Variants in CNTN2 observed in about 807,000 individuals in gnomAD.
The protein encoded by CNTN2 is contactin 2.
A neutral mutation model predicts 117.5 loss-of-function variants in CNTN2; 53 were observed. The ratio of observed to expected loss-of-function variants is 0.45; its 90% confidence interval spans 0.36 to 0.57. The LOEUF (loss-of-function observed/expected upper bound fraction) is 0.57. CNTN2 is among the 20% of genes least tolerant of loss of function. The pLI, the probability that CNTN2 is intolerant of heterozygous loss-of-function variation, is 0.00. For missense variants in CNTN2, 1,106 were observed against 1,404.3 expected, an observed-to-expected ratio of 0.79 and a Z score of 3.39; for synonymous variants, 530 against 561.7, an observed-to-expected ratio of 0.94 and a Z score of 0.80.
At chr1:205,069,020 T>C (rs1654447689) in intron 16 of CNTN2, 1 of 76,246 alleles carries the variant, frequency 1.3e-5, no homozygotes, top group African/African-American at 3.5e-5. Context: ...TTTGTTTGTT[T>C]GTTTGTTTGT....
intron 2 of CNTN2, 84 bp downstream of exon 2, chr1:205,053,339 G>C: frequency 8.7e-7 from 1 of 1,152,464 alleles, no homozygotes; most frequent in Non-Finnish European, 1.2e-6. Context: ...GACGATTACA[G>C]AAATCATTGG....
chr1:205,070,578 G>A (rs1425861600), intron 19 of CNTN2, 40 bp downstream of exon 19: 2 of 1,468,448 alleles, frequency 1.4e-6, no homozygotes, highest in South Asian at 1.2e-5. Flanking sequence ...AAGGGGTGCT[G>A]GGGCTTCAAA....
intron 10 of CNTN2, 42 bp downstream of exon 10, chr1:205,062,611 A>C (rs1241773884): frequency 2.5e-6 from 4 of 1,586,094 alleles, no homozygotes; most frequent in East Asian, 4.5e-5. Context: ...AAGGACATGC[A>C]TATGGTGGCT....
chr1:205,044,458 TG>T (rs34682563), intron 1 of CNTN2, among the ~76,000 whole-genome samples: 4,764 of 99,830 alleles, frequency 0.048, 103 homozygotes, highest in African/African-American at 0.095. Context: ...GCCTGTGTCC[TG>T]GGGGGGGGGG....
At chr1:205,064,814 T>A (rs1654192736) in intron 12 of CNTN2, 64 bp downstream of exon 12, 1 of 1,590,660 alleles carries the variant, frequency 6.3e-7, no homozygotes, top group Non-Finnish European at 8.6e-7. Context: ...CTCCCCATCA[T>A]CCTGCTCCTG....
At chr1:205,062,246 C>A in intron 9 of CNTN2, 194 bp from the exon 10 acceptor site, 1 of 872,250 alleles carries the variant, frequency 1.1e-6, no homozygotes, top group Non-Finnish European at 1.7e-6. Context: ...GTCACCTCAC[C>A]CTTCCAGCTT....
chr1:205,073,536 C>T lies in CNTN2; in HGVS notation c.3014-120C>T, dbSNP rs934437686. On this transcript the variant is annotated intron_variant, in intron 22 of 22. Coordinates refer to ENST00000331830, the MANE Select transcript of CNTN2 (RefSeq NM_005076.5). This position sits in a 1 kb window ranked among gnomAD's most constrained non-coding sequence, Gnocchi z 6.3. ...AGTCGGACTGAGAAGACCACCCAGC[C>T]GTCCGCTCCCAGGCCTGCAGCTGGC... is the stretch of plus-strand genomic sequence containing the variant. 20 of 898,642 alleles carry T rather than the reference C, an allele frequency of 2.2e-5. No homozygotes were observed. The highest frequency in any genetic ancestry group is 6.1e-5 in the South Asian group (4 of 65,156). The allele number at this position is 898,642 out of a possible 1,614,324, so 55.7% of individuals were successfully genotyped here.
chr1:205,045,109 C>T (rs1282014326), intron 1 of CNTN2, among the ~76,000 whole-genome samples: 2 of 152,208 alleles, frequency 1.3e-5, no homozygotes, highest in Non-Finnish European at 2.9e-5. Flanking sequence ...CCACTGTGCT[C>T]ACACCATGAG....
chr1:205,053,458 G>A (rs1357331930), intron 2 of CNTN2, among the ~76,000 whole-genome samples: 1 of 152,132 alleles, frequency 6.6e-6, no homozygotes, highest in African/African-American at 2.4e-5. Flanking sequence ...ATATGTCTTT[G>A]CCATATTATA....
Position 205,061,062 on chromosome 1 carries a change from C to T in CNTN2, c.798-183C>T, listed in dbSNP as rs374754482. ...AGCCCTGCCTCTTGCCCCTTCCCTGCGTGTGCTCCGAGCCTACCTGGGAGA... is the reference window on the plus strand; with the variant it reads ...AGCCCTGCCTCTTGCCCCTTCCCTGTGTGTGCTCCGAGCCTACCTGGGAGA... On this transcript the variant is annotated intron_variant, in intron 7 of 22. Coordinates refer to ENST00000331830, the MANE Select transcript of CNTN2 (RefSeq NM_005076.5). The surrounding 1 kb of genome is among the most constrained non-coding windows in gnomAD (Gnocchi z 4.8). The T allele has an allele frequency of 8.3e-4, 521 of 627,472 alleles. 1 individual carries two copies. In the African/African-American group the frequency reaches 8.9e-3, roughly 11 times the overall value. 38.9% of individuals were successfully genotyped at this position (627,472 alleles called of 1,614,324 possible). A position where few individuals can be genotyped will look rare whatever the true frequency, so the allele number is the denominator to read the frequency against.
In CNTN2 at chr1:205,070,024, C is replaced by G. The variant is rs760185106; in HGVS notation, c.2394C>G (p.Pro798=). The G allele has an allele frequency of 3.1e-6, 5 of 1,613,770 alleles. No individual in the cohort carries two copies. The South Asian group carries it at 3.3e-5, about 11-fold the overall frequency. The change falls in exon 18 of 23, where the codon CCC becomes CCG. Residue 798 remains proline (P), a synonymous_variant. Coordinates refer to ENST00000331830, the MANE Select transcript of CNTN2 (RefSeq NM_005076.5). ...IRSYNRRGDG[P]ESLTALVYSA... is the part of the protein sequence containing the mutation. Reference sequence around the variant, plus strand: ...GCTACAACCGCCGCGGGGATGGGCCCGAGAGCCTCACTGCACTCGTGTACT... The same window carrying G: ...GCTACAACCGCCGCGGGGATGGGCCGGAGAGCCTCACTGCACTCGTGTACT...
At chr1:205,044,464 G>C (rs1311244613) in intron 1 of CNTN2, among the ~76,000 whole-genome samples, 2 of 151,940 alleles carry the variant, frequency 1.3e-5, no homozygotes, top group Non-Finnish European at 2.9e-5. Flanking sequence ...GTCCTGGGGG[G>C]GGGGGTCCAG....
intron 17 of CNTN2, 119 bp downstream of exon 17, chr1:205,069,680 T>C: frequency 7.2e-7 from 1 of 1,398,410 alleles, no homozygotes; most frequent in Non-Finnish European, 9.9e-7. Context: ...CTGTCCCCCT[T>C]CCACGCACCC....
At chr1:205,072,385 C>G in intron 20 of CNTN2, 98 bp from the exon 21 acceptor site, 1 of 1,069,524 alleles carries the variant, frequency 9.3e-7, no homozygotes, top group Non-Finnish European at 1.4e-6. Flanking sequence ...GGTGTAACTG[C>G]TAGAGGCAAA....
rs1390744533 is a variant in CNTN2, at chr1:205,048,994, T to A, written c.-86-4106T>A. Among the ~76,000 whole-genome samples the A allele has an allele frequency of 6.6e-6, 1 of 150,622 alleles. No homozygotes were observed. Among genetic ancestry groups the A allele is most frequent in the Admixed American group, 6.6e-5 (1 of 15,126 alleles). On this transcript the variant is annotated intron_variant, in intron 1 of 22. Coordinates refer to ENST00000331830, the MANE Select transcript of CNTN2 (RefSeq NM_005076.5). The surrounding 1 kb of genome is among the most constrained non-coding windows in gnomAD (Gnocchi z 4.1). ...GGCTGTGGCACACAATGGAGCTCAA[T>A]ATACATCTGATCAGGCTGATGGGTC...
chr1:205,073,366 A>C lies in CNTN2; in HGVS notation c.3013+130A>C. 8.7e-7 allele frequency: 1 copy of C among 1,142,996 alleles called. No individual in the cohort carries two copies. Among genetic ancestry groups the C allele is most frequent in the Non-Finnish European group, 1.2e-6 (1 of 807,474 alleles). 70.8% of individuals were successfully genotyped at this position (1,142,996 alleles called of 1,614,324 possible). A position where few individuals can be genotyped will look rare whatever the true frequency, so the allele number is the denominator to read the frequency against. On this transcript the variant is annotated intron_variant, in intron 22 of 22. Transcript: ENST00000331830. This position sits in a 1 kb window ranked among gnomAD's most constrained non-coding sequence, Gnocchi z 6.3. ...GGAAAGTGGAAGGCAGGCAGGAACCAAGTGCAAAGTAGTCTTAGAACTGCC... is the reference window on the plus strand; with the variant it reads ...GGAAAGTGGAAGGCAGGCAGGAACCCAGTGCAAAGTAGTCTTAGAACTGCC...
Position 205,074,182 on chromosome 1 carries a change from A to C in CNTN2, c.*417A>C, listed in dbSNP as rs899490381. 1 of 452,064 alleles carries C rather than the reference A, an allele frequency of 2.2e-6. No homozygotes were observed. The highest frequency in any genetic ancestry group is 1.9e-5 in the African/African-American group (1 of 51,528). 28.0% of individuals were successfully genotyped at this position (452,064 alleles called of 1,614,324 possible). A position where few individuals can be genotyped will look rare whatever the true frequency, so the allele number is the denominator to read the frequency against. On this transcript the variant is annotated 3_prime_UTR_variant, in exon 23 of 23. Coordinates refer to ENST00000331830, the MANE Select transcript of CNTN2 (RefSeq NM_005076.5). ...GGAACACCAGACATGAACAGGTTGA[A>C]GAACTGGAGCGAAGTGCACACCTCA...
upstream of CNTN2, chr1:205,043,202 G>T: frequency 6.6e-6 from 1 of 152,648 alleles, no homozygotes; most frequent in South Asian, 2.0e-4. Flanking sequence ...CAGTGGCTCC[G>T]GGCGCGCTCA....
At chr1:205,053,685 T>C (rs1403836854) in intron 2 of CNTN2, among the ~76,000 whole-genome samples, 1 of 152,220 alleles carries the variant, frequency 6.6e-6, no homozygotes, top group Non-Finnish European at 1.5e-5. Context: ...ATTTCGAACG[T>C]TCAGTAGCCA....
Sources: gnomAD v4.1 joint callset for allele counts (sites outside exome capture counted in the v4.1 genomes callset) on GRCh38, gnomAD v4.1.1 for gene constraint, Gnocchi (gnomAD v3.1) non-coding constraint, MANE v1.5 for transcripts, NCBI Gene and HGNC (gene_info 2026-07-23, HGNC 2026-07-21) for gene names.